Variants in GALNT17 observed in about 807,000 individuals in gnomAD.
GALNT17 encodes the protein UDP-GalNAc:polypeptide N-acetylgalactosaminyltransferase-like 3.
Under a neutral mutation model 63.7 loss-of-function variants are expected in GALNT17, and 29 were observed. The ratio of observed to expected loss-of-function variants is 0.46; its 90% CI spans 0.34 to 0.62. The LOEUF is 0.62. GALNT17 is among the 20% of genes least tolerant of loss of function. GALNT17 has a pLI of 0.01. For missense variants in GALNT17, 603 were observed against 799.6 expected, an observed-to-expected ratio of 0.75 and a Z score of 2.97; for synonymous variants, 305 against 318.3, an observed-to-expected ratio of 0.96 and a Z score of 0.45.
chr7:71,707,625 A>G (rs1282192962), intron 9 of GALNT17, among the ~76,000 whole-genome samples: 2 of 152,038 alleles, frequency 1.3e-5, no homozygotes, highest in Non-Finnish European at 2.9e-5. Context: ...TCTAGGCTGG[A>G]CTCATTCGTG....
chr7:71,264,096 C>T (rs1187711582), intron 1 of GALNT17, among the ~76,000 whole-genome samples: 1 of 152,086 alleles, frequency 6.6e-6, no homozygotes, highest in Non-Finnish European at 1.5e-5. Context: ...TCTCAGCAGG[C>T]CCTCCTATTA....
At chr7:71,692,965 C>T (rs1791478138) in intron 9 of GALNT17, among the ~76,000 whole-genome samples, 1 of 151,508 alleles carries the variant, frequency 6.6e-6, no homozygotes, top group African/African-American at 2.4e-5. Flanking sequence ...TCTCAAACTC[C>T]TGACCTCAAG....
intron 5 of GALNT17, among the ~76,000 whole-genome samples, chr7:71,427,194 C>T (rs554892236): frequency 6.6e-6 from 1 of 151,408 alleles, no homozygotes; most frequent in East Asian, 2.0e-4. Context: ...ATTCTCTTGC[C>T]TCAGCCTACC....
Position 71,272,970 on chromosome 7 carries a change from A to G in GALNT17, c.239-62580A>G, listed in dbSNP as rs1023317061. Among the ~76,000 whole-genome samples, 8 of 143,812 alleles carry G rather than the reference A, an allele frequency of 5.6e-5. No homozygotes were observed. In the South Asian group the frequency reaches 1.7e-3, roughly 30 times the overall value. 94.3% of individuals were successfully genotyped at this position (143,812 alleles called of 152,430 possible). ...AAATGTTCAATTCAGAGAAGAAAGA[A>G]GAGAGCACGATCATTTTTATTGCTT... is the stretch of plus-strand genomic sequence containing the variant. On this transcript the variant is annotated intron_variant, in intron 1 of 10. Transcript: ENST00000333538.
chr7:71,215,508 C>A (rs1789460917), intron 1 of GALNT17, among the ~76,000 whole-genome samples: 1 of 152,066 alleles, frequency 6.6e-6, no homozygotes, highest in South Asian at 2.1e-4. Context: ...ATTAAAAATT[C>A]TGTCTTAAAG....
chr7:71,663,966 C>T (rs1292146493), intron 6 of GALNT17, among the ~76,000 whole-genome samples: 1 of 151,956 alleles, frequency 6.6e-6, no homozygotes, highest in Admixed American at 6.6e-5. Flanking sequence ...ACTTTTCTGT[C>T]ATTTTCCTTT....
At chr7:71,521,145 T>C (rs1391938874) in intron 5 of GALNT17, among the ~76,000 whole-genome samples, 1 of 152,236 alleles carries the variant, frequency 6.6e-6, no homozygotes, top group African/African-American at 2.4e-5. Context: ...ATGTTTGGTA[T>C]TGGATGCTGC....
rs557331233 is a variant in GALNT17, at chr7:71,265,272, G to T, written c.239-70278G>T. 1.9e-4 allele frequency among the ~76,000 whole-genome samples: 28 copies of T among 150,082 alleles called. 1 individual carries two copies. The highest frequency in any genetic ancestry group is 3.0e-5 in the Non-Finnish European group (2 of 67,552). ...CTCCCAAGTAACTGGGATTATAGGC[G>T]CATGCCACCACACCCAGCTAATTTT... On this transcript the variant is annotated intron_variant, in intron 1 of 10. Coordinates refer to ENST00000333538, the MANE Select transcript of GALNT17 (RefSeq NM_022479.3).
intron 1 of GALNT17, among the ~76,000 whole-genome samples, chr7:71,281,699 CCT>C (rs1378748151): frequency 2.6e-5 from 4 of 152,148 alleles, no homozygotes; most frequent in African/African-American, 4.8e-5. Flanking sequence ...GCAACGTGCC[CCT>C]GTTTCCTTAA....
intron 1 of GALNT17, among the ~76,000 whole-genome samples, chr7:71,185,478 A>G (rs1312752032): frequency 6.7e-6 from 1 of 149,996 alleles, no homozygotes; most frequent in Non-Finnish European, 1.5e-5. Context: ...GATTACAGGC[A>G]TGAGCCCCCA....
rs187196593 is a variant in GALNT17 at position 71,433,933 on chromosome 7, G to A, written c.962+12828G>A. On this transcript the variant is annotated intron_variant, in intron 5 of 10. Transcript: ENST00000333538. ...GGGCACCATCTAATCAGCTGCCAGC[G>A]TGGCTAGGATAAAAGCAGGCAGGAA... 6.4e-3 allele frequency among the ~76,000 whole-genome samples: 710 copies of A among 110,322 alleles called. 8 individuals are homozygous for A. The highest frequency in any genetic ancestry group is 0.023 in the African/African-American group (636 of 27,454). 72.4% of individuals were successfully genotyped at this position (110,322 alleles called of 152,430 possible).
rs201493375 is a variant in GALNT17 at position 71,499,880 on chromosome 7, AC to A, written c.963-71400del. Among the ~76,000 whole-genome samples, 1,135 of 152,200 alleles carry A rather than the reference AC, an allele frequency of 7.5e-3. 10 individuals carry two copies. Among genetic ancestry groups the A allele is most frequent in the African/African-American group, 0.024 (1,016 of 41,522 alleles). On this transcript the variant is annotated intron_variant, in intron 5 of 10. Coordinates refer to ENST00000333538, the MANE Select transcript of GALNT17 (RefSeq NM_022479.3). ...AGATAATTGGATCATGGGGGTGGTTACCCCCATGCTGCTGTTCTCATGATAG... is the reference window on the plus strand; with the variant it reads ...AGATAATTGGATCATGGGGGTGGTTACCCCATGCTGCTGTTCTCATGATAG...
At chr7:71,231,230 G>GTTT (rs775354917) in intron 1 of GALNT17, among the ~76,000 whole-genome samples, 1 of 140,476 alleles carries the variant, frequency 7.1e-6, no homozygotes. Flanking sequence ...TATTTTTGCT[G>GTTT]TTTTTTTTTT....
At chr7:71,351,679 T>C (rs145125760) in intron 2 of GALNT17, among the ~76,000 whole-genome samples, 21 of 152,232 alleles carry the variant, frequency 1.4e-4, no homozygotes, top group Middle Eastern at 3.4e-3. Context: ...GATTCTCCTC[T>C]AGAGCCTTCA....
At chr7:71,592,306 C>T (rs114571007) in intron 6 of GALNT17, among the ~76,000 whole-genome samples, 6 of 152,020 alleles carry the variant, frequency 3.9e-5, no homozygotes, top group Non-Finnish European at 7.3e-5. Context: ...CCCACACTGT[C>T]TTTCCTATGC....
chr7:71,569,974 T>G (rs553718893), intron 5 of GALNT17, among the ~76,000 whole-genome samples: 60 of 152,336 alleles, frequency 3.9e-4, no homozygotes, highest in African/African-American at 1.4e-3. Context: ...CCACAGGGTC[T>G]AAACTATTTT....
chr7:71,216,607 TAC>T (rs201633487), intron 1 of GALNT17, among the ~76,000 whole-genome samples: 2 of 147,316 alleles, frequency 1.4e-5, no homozygotes, highest in African/African-American at 4.9e-5. Context: ...TCTACACACA[TAC>T]ACACAGACAC....
intron 1 of GALNT17, among the ~76,000 whole-genome samples, chr7:71,154,224 GAA>G (rs1337151437): frequency 6.8e-5 from 9 of 132,918 alleles, no homozygotes; most frequent in African/African-American, 2.5e-4. Context: ...GAGAGAGAGA[GAA>G]AGAGAGAGAG....
chr7:71,250,693 A>G (rs1463980901), intron 1 of GALNT17, among the ~76,000 whole-genome samples: 5 of 152,204 alleles, frequency 3.3e-5, no homozygotes, highest in Admixed American at 3.3e-4. Context: ...AGTGACAAAA[A>G]CTGCAATTAC....
Sources: gnomAD v4.1 joint callset for allele counts (sites outside exome capture counted in the v4.1 genomes callset) on GRCh38, gnomAD v4.1.1 for gene constraint, MANE v1.5 for transcripts, NCBI Gene and HGNC (gene_info 2026-07-23, HGNC 2026-07-21) for gene names.